LY6S: variants seen among roughly 807,000 people sequenced by gnomAD.
LY6S encodes the protein lymphocyte antigen 6 family member S, also known as lymphocyte antigen 6S.
At chr8:143,067,777 G>A in the LY6S span, among the ~76,000 whole-genome samples, 1 of 152,230 alleles carries the variant, frequency 6.6e-6, no homozygotes, top group Non-Finnish European at 1.5e-5. Context: ...TACTGTGCCT[G>A]GATGTGCACG....
At chr8:143,075,713 A>T in the LY6S span, among the ~76,000 whole-genome samples, 17 of 152,344 alleles carry the variant, frequency 1.1e-4, no homozygotes, top group African/African-American at 3.8e-4. The surrounding 1 kb of genome is among the most constrained non-coding windows in gnomAD (Gnocchi z 4.1). Flanking sequence ...CAGAGAAAAA[A>T]AGAATTTAAC....
chr8:143,044,834 C>T, the LY6S span: 7 of 1,355,706 alleles, frequency 5.2e-6, no homozygotes, highest in Middle Eastern at 6.6e-4. Flanking sequence ...GACTGCAGCA[C>T]ATGCCAGGAC....
the LY6S span, among the ~76,000 whole-genome samples, chr8:143,072,688 G>C: frequency 7.1e-6 from 1 of 140,848 alleles, no homozygotes; most frequent in Non-Finnish European, 1.6e-5. Context: ...TCGTCCCCGG[G>C]GTCCCTGTTT....
At chr8:143,042,065 G>A in the LY6S span, among the ~76,000 whole-genome samples, 4 of 64,896 alleles carry the variant, frequency 6.2e-5, no homozygotes, top group East Asian at 5.1e-4. Context: ...AGGCTGAGAC[G>A]GCCGTCCACC....
the LY6S span, among the ~76,000 whole-genome samples, chr8:143,043,421 C>CAT: frequency 7.9e-5 from 12 of 152,356 alleles, no homozygotes; most frequent in African/African-American, 2.9e-4. Context: ...CGCACCCCAA[C>CAT]ATCTGCTGGC....
the LY6S span, among the ~76,000 whole-genome samples, chr8:143,064,463 T>C: frequency 6.6e-6 from 1 of 152,254 alleles, no homozygotes. Flanking sequence ...TCAGAGGGGC[T>C]AGATATTAGT....
At chr8:143,049,370 G>A in the LY6S span, 2 of 486,980 alleles carry the variant, frequency 4.1e-6, no homozygotes, top group African/African-American at 3.9e-5. Flanking sequence ...ACAATGAAAA[G>A]TGGTCAGAGA....
the LY6S span, among the ~76,000 whole-genome samples, chr8:143,070,489 A>ATTTTT: frequency 9.8e-5 from 8 of 81,706 alleles, no homozygotes; most frequent in African/African-American, 5.4e-4. Flanking sequence ...ATATATATAT[A>ATTTTT]TTTTTTTTTT....
the LY6S span, among the ~76,000 whole-genome samples, chr8:143,071,826 G>C: frequency 6.6e-6 from 1 of 152,130 alleles, no homozygotes; most frequent in South Asian, 2.1e-4. Flanking sequence ...AATCTTCCAA[G>C]ATCTACGGGA....
At chr8:143,044,967 C>CCTGCAA in the LY6S span, 1 of 643,750 alleles carries the variant, frequency 1.6e-6, no homozygotes, top group Non-Finnish European at 2.2e-6. Flanking sequence ...CAACTGGCAG[C>CCTGCAA]CTGCAACTGG....
the LY6S span, chr8:143,053,774 GA>G: frequency 6.6e-6 from 1 of 152,214 alleles, no homozygotes; most frequent in Non-Finnish European, 1.5e-5. Context: ...CAGTGTAGCT[GA>G]AACTTTGTCA....
the LY6S span, among the ~76,000 whole-genome samples, chr8:143,064,266 T>C: frequency 1.3e-5 from 2 of 152,224 alleles, no homozygotes; most frequent in Admixed American, 1.3e-4. Context: ...TGCCTTCAGG[T>C]AGCGGTGGCT....
chr8:143,053,058 G>A, the LY6S span, among the ~76,000 whole-genome samples: 1 of 152,112 alleles, frequency 6.6e-6, no homozygotes, highest in East Asian at 1.9e-4. Context: ...CCTGGAGACT[G>A]GGTCCTATTA....
At chr8:143,065,593 A>G in the LY6S span, among the ~76,000 whole-genome samples, 1 of 152,062 alleles carries the variant, frequency 6.6e-6, no homozygotes, top group African/African-American at 2.4e-5. Context: ...TGGATAACCA[A>G]AGTGCTTCCA....
At chr8:143,048,109 C>G in the LY6S span, 2 of 152,228 alleles carry the variant, frequency 1.3e-5, no homozygotes, top group East Asian at 3.9e-4. Flanking sequence ...GCGTCATTCA[C>G]TCCAGTTTCC....
At chr8:143,068,039 G>A in the LY6S span, among the ~76,000 whole-genome samples, 9 of 152,250 alleles carry the variant, frequency 5.9e-5, 1 homozygote, top group Admixed American at 2.6e-4. Context: ...GACCCTTCAC[G>A]GGTGTTGGGC....
chr8:143,059,861 G>C, the LY6S span: 6 of 152,184 alleles, frequency 3.9e-5, no homozygotes, highest in African/African-American at 1.2e-4. Context: ...GAGTGTGGGC[G>C]GCAAGCCACC....
chr8:143,053,650 G>A, the LY6S span: 5 of 152,096 alleles, frequency 3.3e-5, no homozygotes, highest in Admixed American at 6.5e-5. Flanking sequence ...TAATTCAAAC[G>A]TCCCAAAAGG....
chr8:143,050,745 G>A, the LY6S span, among the ~76,000 whole-genome samples: 4 of 152,158 alleles, frequency 2.6e-5, no homozygotes, highest in African/African-American at 4.8e-5. Flanking sequence ...CCTCAGGGGT[G>A]CACCCTCTAG....
Sources: allele counts gnomAD v4.1 joint callset (sites outside exome capture counted in the v4.1 genomes callset), GRCh38; gene constraint gnomAD v4.1.1; non-coding constraint Gnocchi (gnomAD v3.1); transcripts MANE v1.5; gene names NCBI Gene and HGNC (gene_info 2026-07-23, HGNC 2026-07-21).